Variants in RCAN2 observed in about 807,000 individuals in gnomAD.
RCAN2 encodes the protein regulator of calcineurin 2.
Under a neutral mutation model 23.6 loss-of-function variants are expected in RCAN2, and 9 were observed. The ratio of observed to expected loss-of-function variants is 0.38; its 90% confidence interval spans 0.23 to 0.67. RCAN2 has a LOEUF of 0.67. RCAN2 is among the 30% of genes least tolerant of loss of function. The pLI, the probability that RCAN2 is intolerant of heterozygous loss-of-function variation, is 0.51. For missense variants in RCAN2, 273 were observed against 302.3 expected (o/e 0.90, Z 0.72); for synonymous variants, 109 against 115.7 (o/e 0.94, Z 0.37).
At chr6:46,392,486 A>T (rs1386774278) in intron 2 of RCAN2, among the ~76,000 whole-genome samples, 1 of 152,162 alleles carries the variant, frequency 6.6e-6, no homozygotes, top group Non-Finnish European at 1.5e-5. Context: ...TGTACCAGAT[A>T]CTGTCCTAGA....
chr6:46,388,116 G>C (rs1330973214), intron 2 of RCAN2, among the ~76,000 whole-genome samples: 1 of 151,952 alleles, frequency 6.6e-6, no homozygotes, highest in Admixed American at 6.5e-5. Context: ...GGTGGGGGTA[G>C]GGGGGAGGGA....
chr6:46,388,127 A>T (rs1040516698), intron 2 of RCAN2, among the ~76,000 whole-genome samples: 1 of 152,002 alleles, frequency 6.6e-6, no homozygotes, highest in Non-Finnish European at 1.5e-5. Flanking sequence ...GGGGGAGGGA[A>T]AGCATTAGGA....
intron 2 of RCAN2, among the ~76,000 whole-genome samples, chr6:46,448,732 T>C (rs1233120175): frequency 1.3e-5 from 2 of 151,978 alleles, no homozygotes; most frequent in Non-Finnish European, 2.9e-5. Context: ...AAAAACCATA[T>C]GGTTATCTCA....
chr6:46,252,402 C>G (rs193014324), intron 2 of RCAN2, among the ~76,000 whole-genome samples: 73 of 152,280 alleles, frequency 4.8e-4, no homozygotes, highest in African/African-American at 1.6e-3. Context: ...TCTCCTCGAT[C>G]GTTAGTTCTC....
intron 2 of RCAN2, among the ~76,000 whole-genome samples, chr6:46,303,868 T>G (rs1021769176): frequency 6.6e-6 from 1 of 152,132 alleles, no homozygotes; most frequent in Non-Finnish European, 1.5e-5. Context: ...TATGGACATT[T>G]GGATCTTTTC....
At chr6:46,360,463 G>A (rs556290535) in intron 2 of RCAN2, among the ~76,000 whole-genome samples, 2 of 150,370 alleles carry the variant, frequency 1.3e-5, no homozygotes, top group Non-Finnish European at 2.9e-5. Flanking sequence ...GAACCCGGGA[G>A]GCGGAGCTTG....
chr6:46,361,701 G>C (rs937095451), intron 2 of RCAN2, among the ~76,000 whole-genome samples: 1 of 152,130 alleles, frequency 6.6e-6, no homozygotes, highest in Non-Finnish European at 1.5e-5. Flanking sequence ...TAGATTTATT[G>C]ATATTGGATT....
intron 2 of RCAN2, among the ~76,000 whole-genome samples, chr6:46,386,491 C>A (rs764244574): frequency 4.0e-5 from 6 of 151,254 alleles, no homozygotes; most frequent in Non-Finnish European, 5.9e-5. Context: ...GCTTGTAATC[C>A]CAGCTACTCG....
At chr6:46,325,257 C>T in intron 2 of RCAN2, 1 of 820,544 alleles carries the variant, frequency 1.2e-6, no homozygotes, top group Non-Finnish European at 1.9e-6. Context: ...TGCAGCCATG[C>T]ACTCACTACA....
At chr6:46,307,361 C>T (rs1303746489) in intron 2 of RCAN2, among the ~76,000 whole-genome samples, 3 of 152,012 alleles carry the variant, frequency 2.0e-5, no homozygotes, top group African/African-American at 7.2e-5. Flanking sequence ...ATCAGCTAAG[C>T]CTCTGGCAGA....
intron 1 of RCAN2, among the ~76,000 whole-genome samples, chr6:46,483,809 G>T (rs981005367): frequency 6.6e-6 from 1 of 152,132 alleles, no homozygotes; most frequent in African/African-American, 2.4e-5. Context: ...TGTCATAAAA[G>T]ATCAAATAAA....
chr6:46,453,050 C>A (rs910099234), intron 2 of RCAN2, among the ~76,000 whole-genome samples: 1 of 152,126 alleles, frequency 6.6e-6, no homozygotes, highest in Non-Finnish European at 1.5e-5. Context: ...AATGTCCTAC[C>A]CAGCAGACCC....
At chr6:46,393,891 T>C (rs1766009133) in intron 2 of RCAN2, among the ~76,000 whole-genome samples, 1 of 152,180 alleles carries the variant, frequency 6.6e-6, no homozygotes, top group East Asian at 1.9e-4. Context: ...CCAACACTCT[T>C]AGCAAGTTTT....
chr6:46,481,782 A>AG (rs1768866265), intron 1 of RCAN2, among the ~76,000 whole-genome samples: 1 of 151,790 alleles, frequency 6.6e-6, no homozygotes, highest in African/African-American at 2.4e-5. Context: ...TAGGAAAAAA[A>AG]TGCATATATT....
rs5875956 is a variant in RCAN2 at position 46,277,589 on chromosome 6, C to CTT, written c.226-28695_226-28694dup. The stretch of plus-strand genomic sequence containing the variant: ...CATTCATTGACTTCACTTTTTAAAA[C>CTT]TTTTTTTTTTTATAGAAAGTAGGTT... On this transcript the variant is annotated intron_variant, in intron 2 of 4. Coordinates refer to ENST00000371374, the MANE Select transcript of RCAN2 (RefSeq NM_001251974.2). Among the ~76,000 whole-genome samples, 646 of 148,646 alleles carry CTT rather than the reference C, an allele frequency of 4.3e-3. 2 individuals are homozygous for CTT. Among genetic ancestry groups the CTT allele is most frequent in the East Asian group, 0.017 (84 of 5,080 alleles).
intron 2 of RCAN2, among the ~76,000 whole-genome samples, chr6:46,346,798 T>C (rs1764495160): frequency 6.6e-6 from 1 of 151,996 alleles, no homozygotes; most frequent in East Asian, 1.9e-4. Context: ...ATCTGCAATA[T>C]AATTTTGTCC....
At chr6:46,255,191 C>G (rs1390311082) in intron 2 of RCAN2, among the ~76,000 whole-genome samples, 3 of 152,042 alleles carry the variant, frequency 2.0e-5, no homozygotes, top group Admixed American at 1.3e-4. Context: ...CATTTCCCCC[C>G]AGGAGAGGAG....
At chr6:46,488,515 A>G (rs1371811195) in intron 1 of RCAN2, among the ~76,000 whole-genome samples, 1 of 152,218 alleles carries the variant, frequency 6.6e-6, no homozygotes, top group Non-Finnish European at 1.5e-5. Flanking sequence ...ACTTCCTGCT[A>G]TTAAGTTTGT....
chr6:46,491,625 C>A (rs1009534389), upstream of RCAN2, among the ~76,000 whole-genome samples: 4 of 152,046 alleles, frequency 2.6e-5, no homozygotes, highest in East Asian at 7.8e-4. Flanking sequence ...ACCCACCGCA[C>A]CTCCGGGGCT....
Sources: allele counts gnomAD v4.1 joint callset (sites outside exome capture counted in the v4.1 genomes callset), GRCh38; gene constraint gnomAD v4.1.1; transcripts MANE v1.5; gene names NCBI Gene and HGNC (gene_info 2026-07-23, HGNC 2026-07-21).